The following KLC1 variants were observed in gnomAD, a reference collection of about 807,000 sequenced individuals.
KLC1 encodes the protein kinesin 2 60/70kDa.
A neutral mutation model predicts 84.2 loss-of-function variants in KLC1; 30 were observed. The observed-to-expected ratio is 0.36, with a 90% CI of 0.27 to 0.48. The LOEUF is 0.48. KLC1 is among the 20% of genes least tolerant of loss of function. The pLI is 0.99. For synonymous variants in KLC1, 289 were observed against 293.3 expected, an observed-to-expected ratio of 0.99 and a Z score of 0.15; for missense variants, 499 against 805.4, an observed-to-expected ratio of 0.62 and a Z score of 4.60.
chr14:103,639,573 G>C (rs1473736524), intron 1 of KLC1, among the ~76,000 whole-genome samples: 1 of 152,104 alleles, frequency 6.6e-6, no homozygotes, highest in Non-Finnish European at 1.5e-5. Flanking sequence ...CTCCTGAGTA[G>C]CTGGGACCAC....
chr14:103,669,432 T>TA lies in KLC1; in HGVS notation c.798-70dup, dbSNP rs1555422921. Reference sequence around the variant, plus strand: ...CTGTGCAACAGAGTCAGACTCTGTCTAAAAAAAAAGAAAAGAAAAGAAAAG... The same window carrying TA: ...CTGTGCAACAGAGTCAGACTCTGTCTAAAAAAAAAAGAAAAGAAAAGAAAAG... On this transcript the variant is annotated intron_variant, in intron 5 of 16. Coordinates refer to ENST00000334553, the MANE Select transcript of KLC1 (RefSeq NM_001394837.1). The TA allele has an allele frequency of 7.9e-4, 647 of 822,314 alleles. 1 individual carries two copies. The highest frequency in any genetic ancestry group is 1.0e-3 in the East Asian group (38 of 36,232). The allele number at this position is 822,314 out of a possible 1,614,324, so 50.9% of individuals were successfully genotyped here.
Position 103,693,603 on chromosome 14 carries a change from T to C in KLC1, c.1848+1178T>C. 1 of 1,536,076 alleles carries C rather than the reference T, an allele frequency of 6.5e-7. No individual in the cohort carries two copies. Among genetic ancestry groups the C allele is most frequent in the African/African-American group, 1.4e-5 (1 of 73,160 alleles). ...CGCGAGCTCTGAGTGCCAGCCACAC[T>C]GACCTGGCCCACTGAGAGCCAGCAG... On this transcript the variant is annotated intron_variant, in intron 15 of 16. Transcript: ENST00000334553. This position sits in a 1 kb window ranked among gnomAD's most constrained non-coding sequence, Gnocchi z 5.1.
At chr14:103,634,253 T>C (rs1442842187) in intron 1 of KLC1, among the ~76,000 whole-genome samples, 11 of 152,316 alleles carry the variant, frequency 7.2e-5, no homozygotes, top group Admixed American at 5.9e-4. Flanking sequence ...TGGGGAGTTT[T>C]GTCTCTTGTA....
rs376316737 is a variant in KLC1, at chr14:103,644,214, C to CAA, written c.-1-10332_-1-10331dup. ...TGGGCAACAGAGCGAGACTCTGTCT[C>CAA]AAAAAAAAAAAAAAAAAAAGCCTAA... is the stretch of plus-strand genomic sequence containing the variant. On this transcript the variant is annotated intron_variant, in intron 1 of 16. Coordinates refer to ENST00000334553, the MANE Select transcript of KLC1 (RefSeq NM_001394837.1). Among the ~76,000 whole-genome samples the CAA allele has an allele frequency of 5.3e-3, 311 of 58,780 alleles. 6 individuals are homozygous for CAA. Among genetic ancestry groups the CAA allele is most frequent in the African/African-American group, 0.013 (188 of 14,044 alleles). The allele number at this position is 58,780 out of a possible 152,430, so 38.6% of individuals were successfully genotyped here.
At chr14:103,681,725 G>T (rs572837779) in intron 13 of KLC1, among the ~76,000 whole-genome samples, 4 of 152,232 alleles carry the variant, frequency 2.6e-5, no homozygotes, top group East Asian at 1.9e-4. Flanking sequence ...CCAAAGTGCT[G>T]GGATTACAGG....
In KLC1 at chr14:103,700,808, C is replaced by T; in HGVS notation, c.*1+81C>T. On this transcript the variant is annotated intron_variant, in intron 16 of 16. Coordinates refer to ENST00000334553, the MANE Select transcript of KLC1 (RefSeq NM_001394837.1). Reference sequence around the variant, plus strand: ...TTGCACATGCAGGGACTGGGGGGAGCTGGGGATGGGCAAGTGGTGACTGCT... The same window carrying T: ...TTGCACATGCAGGGACTGGGGGGAGTTGGGGATGGGCAAGTGGTGACTGCT... 9.3e-6 allele frequency: 11 copies of T among 1,186,292 alleles called. No individual in the cohort carries two copies. The Admixed American group carries it at 1.5e-4, about 16-fold the overall frequency. The allele number at this position is 1,186,292 out of a possible 1,614,324, so 73.5% of individuals were successfully genotyped here.
In KLC1 at chr14:103,699,479, C is replaced by T. The variant is rs772408011; in HGVS notation, c.1849-1176C>T. 1.8e-5 allele frequency: 29 copies of T among 1,612,666 alleles called. No homozygotes were observed. Among genetic ancestry groups the T allele is most frequent in the South Asian group, 4.4e-5 (4 of 91,050 alleles). On this transcript the variant is annotated intron_variant, in intron 15 of 16. Coordinates refer to ENST00000334553, the MANE Select transcript of KLC1 (RefSeq NM_001394837.1). ...GGAGGCCTGGCTGTCAAATTCACAG[C>T]GGAATGGGGCTGCCACCGAGTCGAT... is the stretch of plus-strand genomic sequence containing the variant.
intron 5 of KLC1, among the ~76,000 whole-genome samples, 153 bp from the exon 6 acceptor site, chr14:103,669,358 C>T (rs113264469): frequency 3.3e-5 from 5 of 151,602 alleles, no homozygotes; most frequent in African/African-American, 4.8e-5. Flanking sequence ...TGCTTGAACC[C>T]GTGAGGCGGA....
At chr14:103,638,750 GGT>G (rs959381415) in intron 1 of KLC1, among the ~76,000 whole-genome samples, 5 of 150,320 alleles carry the variant, frequency 3.3e-5, no homozygotes, top group African/African-American at 9.7e-5. Flanking sequence ...GGGGTGTGTG[GGT>G]GTGTGTGAAC....
intron 3 of KLC1, among the ~76,000 whole-genome samples, chr14:103,660,342 A>C (rs1478337892): frequency 1.3e-5 from 2 of 151,994 alleles, no homozygotes; most frequent in Non-Finnish European, 2.9e-5. Context: ...TTAGCCAAGC[A>C]TGGTGGCACA....
intron 13 of KLC1, chr14:103,685,444 C>G: frequency 8.3e-7 from 1 of 1,206,966 alleles, no homozygotes; most frequent in South Asian, 1.5e-5. Context: ...CTGTGAAATG[C>G]ACCATGAGGC....
At chr14:103,686,260 TCTCA>T in intron 13 of KLC1, 1 of 980,932 alleles carries the variant, frequency 1.0e-6, no homozygotes, top group East Asian at 1.1e-4. Flanking sequence ...TGGTAGAACT[TCTCA>T]CTCTTTATCC....
intron 15 of KLC1, chr14:103,699,085 G>A: frequency 6.4e-7 from 1 of 1,565,048 alleles, no homozygotes; most frequent in Non-Finnish European, 8.7e-7. Flanking sequence ...GCCCAGCTGT[G>A]CCCCTGGCAC....
chr14:103,674,365 G>GT (rs1188731330), intron 9 of KLC1, among the ~76,000 whole-genome samples: 2 of 151,660 alleles, frequency 1.3e-5, no homozygotes, highest in African/African-American at 2.4e-5. Flanking sequence ...AGAAACTTGC[G>GT]TGAGTGTTCC....
chr14:103,684,416 C>T (rs906647450), intron 13 of KLC1, among the ~76,000 whole-genome samples: 2 of 152,224 alleles, frequency 1.3e-5, no homozygotes, highest in Non-Finnish European at 2.9e-5. Context: ...CTCCCAGGCC[C>T]TGAAGTCCAG....
At chr14:103,677,228 T>C (rs1216131526) in intron 11 of KLC1, among the ~76,000 whole-genome samples, 187 bp from the exon 12 acceptor site, 1 of 152,186 alleles carries the variant, frequency 6.6e-6, no homozygotes, top group East Asian at 1.9e-4. Flanking sequence ...GCCAGGGTCA[T>C]GGGAGGTAGA....
chr14:103,696,103 C>T (rs952817437), intron 15 of KLC1: 6 of 521,248 alleles, frequency 1.2e-5, no homozygotes, highest in Non-Finnish European at 1.4e-5. Context: ...CCCCCGCCCC[C>T]CGCCCCCCCC....
chr14:103,695,678 G>C, intron 15 of KLC1: 1 of 985,448 alleles, frequency 1.0e-6, no homozygotes, highest in Non-Finnish European at 1.2e-6. Context: ...TCTTCAGACT[G>C]ATGGGTGCAG....
chr14:103,643,085 A>T (rs2077614556), intron 1 of KLC1, among the ~76,000 whole-genome samples: 1 of 152,152 alleles, frequency 6.6e-6, no homozygotes, highest in Non-Finnish European at 1.5e-5. Context: ...ATGTATTTTT[A>T]ACAATTAGTA....
Sources: gnomAD v4.1 joint callset for allele counts (sites outside exome capture counted in the v4.1 genomes callset) on GRCh38, gnomAD v4.1.1 for gene constraint, Gnocchi (gnomAD v3.1) non-coding constraint, MANE v1.5 for transcripts, NCBI Gene and HGNC (gene_info 2026-07-23, HGNC 2026-07-21) for gene names.